The following ZNF704 variants were observed in gnomAD, a reference collection of about 807,000 sequenced individuals.
ZNF704 encodes zinc finger protein 704.
ZNF704 carries 10 observed loss-of-function variants against 44.7 expected under a neutral mutation model. That is an observed-to-expected ratio of 0.22 (90% CI 0.14 to 0.38). The LOEUF (loss-of-function observed/expected upper bound fraction) is 0.38. ZNF704 is among the 10% of genes least tolerant of loss of function. ZNF704 has a pLI of 1.00. For synonymous variants in ZNF704, 211 were observed against 207.6 expected, an observed-to-expected ratio of 1.02 and a Z score of -0.14; for missense variants, 390 against 545.5, an observed-to-expected ratio of 0.71 and a Z score of 2.84.
At chr8:80,655,787 C>G (rs1041407387) in intron 7 of ZNF704, among the ~76,000 whole-genome samples, 7 of 152,090 alleles carry the variant, frequency 4.6e-5, no homozygotes, top group African/African-American at 1.7e-4. Flanking sequence ...TGGTTTTAAC[C>G]TCATATAATT....
intron 2 of ZNF704, among the ~76,000 whole-genome samples, chr8:80,750,512 C>CTT (rs61550571): frequency 0.15 from 22,565 of 147,062 alleles, 3,187 homozygotes; most frequent in African/African-American, 0.37. Flanking sequence ...GTACTTTAAA[C>CTT]TTTTTTTTTT....
At chr8:80,666,178 T>C (rs1030922305) in intron 5 of ZNF704, among the ~76,000 whole-genome samples, 9 of 143,774 alleles carry the variant, frequency 6.3e-5, no homozygotes, top group East Asian at 2.1e-4. Flanking sequence ...TGTGATCTCA[T>C]TGTTCAATTC....
intron 7 of ZNF704, among the ~76,000 whole-genome samples, chr8:80,646,695 C>G (rs965217106): frequency 6.6e-6 from 1 of 152,066 alleles, no homozygotes; most frequent in African/African-American, 2.4e-5. Flanking sequence ...GAGCAGAATC[C>G]TCCTCACCCC....
intron 2 of ZNF704, among the ~76,000 whole-genome samples, chr8:80,765,229 A>G (rs890717408): frequency 2.0e-5 from 3 of 152,160 alleles, no homozygotes; most frequent in African/African-American, 7.2e-5. Context: ...CCAGCTCTCA[A>G]AGAGAGAGGC....
chr8:80,641,354 C>T lies in ZNF704; in HGVS notation c.*12G>A, dbSNP rs752469895. The T allele has an allele frequency of 1.9e-6, 3 of 1,598,740 alleles. No homozygotes were observed. The highest frequency in any genetic ancestry group is 1.7e-5 in the Admixed American group (1 of 59,302). ...CGGCTCAGGGCCCTGAGCCCCTCTG[C>T]CTGGGGGTCTCTCAGTCGAGGAACC... is the stretch of plus-strand genomic sequence containing the variant. On this transcript the variant is annotated 3_prime_UTR_variant, in exon 9 of 9. Coordinates refer to ENST00000327835, the MANE Select transcript of ZNF704 (RefSeq NM_001033723.3).
At chr8:80,696,797 G>T (rs1818733928) in intron 2 of ZNF704, among the ~76,000 whole-genome samples, 1 of 152,172 alleles carries the variant, frequency 6.6e-6, no homozygotes, top group Non-Finnish European at 1.5e-5. Context: ...ACACAAAATT[G>T]ATTTATGTTT....
At chr8:80,744,556 A>C (rs1045695311) in intron 2 of ZNF704, among the ~76,000 whole-genome samples, 1 of 152,200 alleles carries the variant, frequency 6.6e-6, no homozygotes, top group African/African-American at 2.4e-5. Flanking sequence ...ATATCCATTC[A>C]AAAAATCGTG....
chr8:80,699,277 C>T (rs1030752194), intron 2 of ZNF704, among the ~76,000 whole-genome samples: 26 of 152,264 alleles, frequency 1.7e-4, no homozygotes, highest in African/African-American at 5.5e-4. Context: ...AAGCACAAAA[C>T]TTCATTTCCA....
intron 2 of ZNF704, among the ~76,000 whole-genome samples, chr8:80,811,080 A>G (rs1173624356): frequency 3.3e-5 from 5 of 152,192 alleles, no homozygotes; most frequent in African/African-American, 4.8e-5. Context: ...AAATTAACTT[A>G]TGCTTTATTC....
intron 1 of ZNF704, among the ~76,000 whole-genome samples, chr8:80,848,240 G>A (rs949178904): frequency 4.6e-5 from 7 of 152,148 alleles, no homozygotes; most frequent in Admixed American, 6.5e-5. Flanking sequence ...TAGGAACGGC[G>A]GAGAGGCAAG....
chr8:80,820,227 A>C (rs1808246209), intron 2 of ZNF704, among the ~76,000 whole-genome samples: 1 of 152,194 alleles, frequency 6.6e-6, no homozygotes, highest in African/African-American at 2.4e-5. Flanking sequence ...AGTAATCTAA[A>C]ATCCCTGCTG....
intron 1 of ZNF704, among the ~76,000 whole-genome samples, chr8:80,822,806 A>C (rs1808301318): frequency 1.3e-5 from 2 of 152,214 alleles, no homozygotes; most frequent in Non-Finnish European, 2.9e-5. Flanking sequence ...AGTGATGATG[A>C]GCATTTTTTC....
chr8:80,697,133 G>T (rs1818738946), intron 2 of ZNF704, among the ~76,000 whole-genome samples: 1 of 152,146 alleles, frequency 6.6e-6, no homozygotes, highest in Non-Finnish European at 1.5e-5. Context: ...GTGAGCCCTG[G>T]GCTTACTGGG....
chr8:80,630,729 T>G lies in ZNF704; in HGVS notation c.*10637A>C, dbSNP rs1817570624. 1 of 152,206 alleles carries G rather than the reference T, an allele frequency of 6.6e-6. No homozygotes were observed. Among genetic ancestry groups the G allele is most frequent in the African/African-American group, 2.4e-5 (1 of 41,448 alleles). 9.4% of individuals were successfully genotyped at this position (152,206 alleles called of 1,614,324 possible). On this transcript the variant is annotated 3_prime_UTR_variant, in exon 9 of 9. Coordinates refer to ENST00000327835, the MANE Select transcript of ZNF704 (RefSeq NM_001033723.3). ...TTATCCTGAGTTCTTCTTCTAAGTA[T>G]ATAGGATTTTGATACGCAAAACACT... is the stretch of plus-strand genomic sequence containing the variant.
At chr8:80,718,696 T>A (rs1223250222) in intron 2 of ZNF704, among the ~76,000 whole-genome samples, 1 of 152,204 alleles carries the variant, frequency 6.6e-6, no homozygotes, top group Non-Finnish European at 1.5e-5. Flanking sequence ...CCAGTCTAGA[T>A]CAACCCACCC....
intron 2 of ZNF704, among the ~76,000 whole-genome samples, chr8:80,746,210 G>A (rs1310361303): frequency 1.3e-5 from 2 of 152,170 alleles, no homozygotes; most frequent in Non-Finnish European, 1.5e-5. Flanking sequence ...ACACAGGGTT[G>A]GGCATGTGGG....
chr8:80,754,510 C>G (rs747356380), intron 2 of ZNF704, among the ~76,000 whole-genome samples: 1 of 152,230 alleles, frequency 6.6e-6, no homozygotes, highest in South Asian at 2.1e-4. Context: ...ATTAACTCCA[C>G]TTGACATGAA....
chr8:80,813,967 C>A (rs1808134591), intron 2 of ZNF704: 1 of 152,180 alleles, frequency 6.6e-6, no homozygotes, highest in South Asian at 2.1e-4. Context: ...AAGTTCTCAT[C>A]TTACCTTACT....
At chr8:80,868,620 G>GA (rs1809197819) in intron 1 of ZNF704, among the ~76,000 whole-genome samples, 1 of 152,182 alleles carries the variant, frequency 6.6e-6, no homozygotes, top group Non-Finnish European at 1.5e-5. Context: ...ATAAATTTTT[G>GA]TAAGATCCTC....
Sources: gnomAD v4.1 joint callset for allele counts (sites outside exome capture counted in the v4.1 genomes callset) on GRCh38, gnomAD v4.1.1 for gene constraint, MANE v1.5 for transcripts, NCBI Gene and HGNC (gene_info 2026-07-23, HGNC 2026-07-21) for gene names.